The following SPPL2C variants were observed in gnomAD, a reference collection of about 807,000 sequenced individuals.
SPPL2C encodes the protein signal peptide peptidase-like 2C.
In SPPL2C, 33 loss-of-function variants were observed where a neutral mutation model predicts 38.8. That is an observed-to-expected ratio of 0.85 (90% CI 0.64 to 1.14). The LOEUF is 1.14. SPPL2C is among the 50% of genes most tolerant of loss of function. The probability of loss-of-function intolerance (pLI) is 0.00; values close to 1 mark genes in which losing one functional copy is unlikely to be tolerated. For missense variants in SPPL2C, 899 were observed against 904.4 expected (o/e 0.99, Z 0.08); for synonymous variants, 384 against 390.7 (o/e 0.98, Z 0.20).
rs1288475150 is a variant in SPPL2C, at chr17:45,845,352, C to G, written c.446C>G (p.Pro149Arg). ...CAGCCCCTGGCAGACCTCACCATCC[C>G]TGTGGCTATGCTCCACTATGCTGAC... Reference protein sequence around the residue: ...PRQPLADLTIPVAMLHYADML... With the variant: ...PRQPLADLTIRVAMLHYADML... Residue 149 changes from proline (P) to arginine (R), a missense_variant, in exon 1 of 1, where the codon CCT becomes CGT. By Grantham distance (103) the Pro-to-Arg change is moderately radical. Coordinates refer to ENST00000329196, the MANE Select transcript of SPPL2C (RefSeq NM_175882.3). 2.5e-6 allele frequency: 4 copies of G among 1,613,938 alleles called. No individual in the cohort carries two copies. In the African/African-American group the frequency reaches 5.3e-5, roughly 22 times the overall value.
At position 45,845,561 on chromosome 17, in the gene SPPL2C, C is replaced by G. The variant is rs200343669; in HGVS notation, c.655C>G (p.Arg219Gly). The stretch of plus-strand genomic sequence containing the variant: ...CAACCGGCTACAGCGGCGCCGTGCC[C>G]GAAGAGGAGGGGGGTCTGGTGGTCA... The part of the protein sequence containing the change: ...EANRLQRRRA[R>G]RGGGSGGHHQ... Residue 219 changes from arginine to glycine, a missense_variant, in exon 1 of 1, where the codon CGA (arginine) becomes GGA (glycine). Transcript: ENST00000329196. The G allele has an allele frequency of 6.2e-7, 1 of 1,602,580 alleles. No homozygotes were observed. The highest frequency in any genetic ancestry group is 1.3e-5 in the African/African-American group (1 of 74,776).
Position 45,846,213 on chromosome 17 carries a change from T to C in SPPL2C, c.1307T>C (p.Leu436Pro). ...CGGCTAAGAGTCTCCGCCTTGACCC[T>C]GTGCAGCCAGCCCTTCTCCATCCTT... is the stretch of plus-strand genomic sequence containing the variant. ...VPRLRVSALT[L>P]CSQPFSILGF... Residue 436 changes from leucine (L) to proline (P), a missense_variant, in exon 1 of 1, where the codon CTG becomes CCG. Physicochemically the swap from Leu to Pro is moderately conservative, Grantham distance 98 (BLOSUM62 -3). Transcript: ENST00000329196. 6.2e-7 allele frequency: 1 copy of C among 1,614,226 alleles called. No individual in the cohort carries two copies.
chr17:45,845,671 G>A lies in SPPL2C; in HGVS notation c.765G>A (p.Met255Ile). The A allele has an allele frequency of 6.2e-7, 1 of 1,613,816 alleles. No individual in the cohort carries two copies. ...EDIPVDFTPA[M>I]TGVVVTLSCS... is the part of the protein sequence containing the mutation. ...TCCCAGTGGACTTCACGCCGGCCAT[G>A]ACAGGCGTGGTGGTCACCCTGTCCT... is the stretch of plus-strand genomic sequence containing the variant. Residue 255 changes from methionine to isoleucine, a missense_variant, in exon 1 of 1, where the codon ATG (methionine) becomes ATA (isoleucine). Met to Ile is a conservative substitution (Grantham distance 10). Transcript: ENST00000329196.
Position 45,845,130 on chromosome 17 carries a change from C to T in SPPL2C, c.224C>T (p.Ser75Phe), listed in dbSNP as rs775782862. The stretch of plus-strand genomic sequence containing the variant: ...GCACCCTGGTGCCCGGGTGAGGATT[C>T]CCCCCACCAGGCCCAGCTCCGCTCC... ...TKAPWCPGED[S>F]PHQAQLRSPS... Residue 75 changes from serine (S) to phenylalanine (F), a missense_variant, in exon 1 of 1, where the codon TCC (serine) becomes TTC (phenylalanine). Ser to Phe is a radical substitution (Grantham distance 155). Transcript: ENST00000329196. 2 of 1,610,970 alleles carry T rather than the reference C, an allele frequency of 1.2e-6. No individual in the cohort carries two copies. Among genetic ancestry groups the T allele is most frequent in the African/African-American group, 1.3e-5 (1 of 74,982 alleles).
chr17:45,845,118 C>A lies in SPPL2C; in HGVS notation c.212C>A (p.Pro71Gln), dbSNP rs745530293. Residue 71 changes from proline to glutamine, a missense_variant, in exon 1 of 1, where the codon CCG becomes CAG. Pro to Gln is a moderately conservative substitution (Grantham distance 76). Coordinates refer to ENST00000329196, the MANE Select transcript of SPPL2C (RefSeq NM_175882.3). The stretch of plus-strand genomic sequence containing the variant: ...GATGGCACCAAGGCACCCTGGTGCC[C>A]GGGTGAGGATTCCCCCCACCAGGCC... ...LYDGTKAPWC[P>Q]GEDSPHQAQL... 1 of 1,611,504 alleles carries A rather than the reference C, an allele frequency of 6.2e-7. No individual in the cohort carries two copies. The highest frequency in any genetic ancestry group is 1.1e-5 in the South Asian group (1 of 91,034).
In SPPL2C at chr17:45,845,589, A is replaced by C. The variant is rs764687017; in HGVS notation, c.683A>C (p.His228Pro). 1.2e-6 allele frequency: 2 copies of C among 1,608,164 alleles called. No individual in the cohort carries two copies. Among genetic ancestry groups the C allele is most frequent in the Non-Finnish European group, 1.7e-6 (2 of 1,177,260 alleles). Residue 228 changes from histidine to proline, a missense_variant, in exon 1 of 1, where the codon CAT (histidine) becomes CCT (proline). Physicochemically the swap from His to Pro is moderately conservative, Grantham distance 77 (BLOSUM62 -2). Transcript: ENST00000329196. ...AGAGGAGGGGGGTCTGGTGGTCACC[A>C]TCAGCTGCAGGAAGCTGCAGCAGCT... ...ARRGGGSGGHHQLQEAAAAEG... is the reference protein window; with the variant it reads ...ARRGGGSGGHPQLQEAAAAEG...
chr17:45,844,885 G>T lies in SPPL2C; in HGVS notation c.-22G>T. The stretch of plus-strand genomic sequence containing the variant: ...GGGTATTGGGCTGCCGCCCGCAGAT[G>T]TTGCAGTAGGAACTGAAGAAGATGG... On this transcript the variant is annotated 5_prime_UTR_variant, in exon 1 of 1. It removes an upstream start codon present in the reference 5' UTR. Coordinates refer to ENST00000329196, the MANE Select transcript of SPPL2C (RefSeq NM_175882.3). The T allele has an allele frequency of 6.3e-7, 1 of 1,577,006 alleles. No homozygotes were observed. The highest frequency in any genetic ancestry group is 8.6e-7 in the Non-Finnish European group (1 of 1,156,426).
rs74815120 is a variant in SPPL2C, at chr17:45,846,708, C to T, written c.1802C>T (p.Ser601Phe). The T allele has an allele frequency of 1.1e-4, 176 of 1,614,192 alleles. No individual in the cohort carries two copies. In the African/African-American group the frequency reaches 2.1e-3, roughly 19 times the overall value. ...AATCCAGAGGACCGCAGTGATAGCTCCGAGGGCTGGAGTGACGCCCACTTG... is the reference window on the plus strand; with the variant it reads ...AATCCAGAGGACCGCAGTGATAGCTTCGAGGGCTGGAGTGACGCCCACTTG... The part of the protein sequence containing the change: ...ATNPEDRSDS[S>F]EGWSDAHLDP... Residue 601 changes from serine to phenylalanine, a missense_variant, in exon 1 of 1, where the codon TCC (serine) becomes TTC (phenylalanine). Coordinates refer to ENST00000329196, the MANE Select transcript of SPPL2C (RefSeq NM_175882.3).
In SPPL2C at chr17:45,844,902, A is replaced by G; in HGVS notation, c.-5A>G. The G allele has an allele frequency of 6.3e-7, 1 of 1,597,418 alleles. No homozygotes were observed. The highest frequency in any genetic ancestry group is 8.6e-7 in the Non-Finnish European group (1 of 1,168,984). On this transcript the variant is annotated 5_prime_UTR_variant, in exon 1 of 1. Transcript: ENST00000329196. ...CCGCAGATGTTGCAGTAGGAACTGA[A>G]GAAGATGGCGTGCCTGGGCTTCCTC...
In SPPL2C at chr17:45,845,517, G is replaced by A; in HGVS notation, c.611G>A (p.Trp204Ter). ...AVGTVAAGGY[W>*]AGLTEANRLQ... ...GGCACAGTGGCTGCAGGCGGCTACT[G>A]GGCCGGCCTGACCGAAGCCAACCGG... Residue 204 changes from tryptophan to a stop codon, truncating the protein, a stop_gained, in exon 1 of 1, where the codon TGG (tryptophan) becomes TAG (stop). Coordinates refer to ENST00000329196, the MANE Select transcript of SPPL2C (RefSeq NM_175882.3). LOFTEE classifies it high-confidence loss of function. 6.2e-7 allele frequency: 1 copy of A among 1,602,170 alleles called. No homozygotes were observed. The highest frequency in any genetic ancestry group is 8.5e-7 in the Non-Finnish European group (1 of 1,176,096).
rs374408210 is a variant in SPPL2C at position 45,845,448 on chromosome 17, C to A, written c.542C>A (p.Pro181His). The change falls in exon 1 of 1, where the codon CCC (proline) becomes CAC (histidine). Residue 181 changes from proline to histidine, a missense_variant. Physicochemically the swap from Pro to His is moderately conservative, Grantham distance 77. Coordinates refer to ENST00000329196, the MANE Select transcript of SPPL2C (RefSeq NM_175882.3). ...GTGGCCATGTACGCACCCCCAGAGCCCATCATCGACTACAACATGCTGGTC... is the reference window on the plus strand; with the variant it reads ...GTGGCCATGTACGCACCCCCAGAGCACATCATCGACTACAACATGCTGGTC... ...VRVAMYAPPE[P>H]IIDYNMLVIF... 98 of 1,611,258 alleles carry A rather than the reference C, an allele frequency of 6.1e-5. No individual in the cohort carries two copies. The Middle Eastern group carries it at 8.2e-4, about 14-fold the overall frequency.
Position 45,844,934 on chromosome 17 carries a change from G to T in SPPL2C, c.28G>T (p.Val10Leu). 3 of 1,609,686 alleles carry T rather than the reference G, an allele frequency of 1.9e-6. No homozygotes were observed. The highest frequency in any genetic ancestry group is 2.5e-6 in the Non-Finnish European group (3 of 1,176,732). The change falls in exon 1 of 1, where the codon GTG becomes TTG. Residue 10 changes from valine to leucine, a missense_variant. Transcript: ENST00000329196. ...GGCGTGCCTGGGCTTCCTCCTCCCC[G>T]TGGGCTTCCTCCTCCTCATCAGCAC... MACLGFLLPVGFLLLISTVA... is the reference protein window; with the variant it reads MACLGFLLPLGFLLLISTVA...
chr17:45,845,586 A>T lies in SPPL2C; in HGVS notation c.680A>T (p.His227Leu), dbSNP rs564319908. 75 of 1,607,198 alleles carry T rather than the reference A, an allele frequency of 4.7e-5. No homozygotes were observed. In the African/African-American group the frequency reaches 9.7e-4, roughly 21 times the overall value. The change falls in exon 1 of 1, where the codon CAC becomes CTC. Residue 227 changes from histidine (H) to leucine (L), a missense_variant. By Grantham distance (99) the His-to-Leu change is moderately conservative. Transcript: ENST00000329196. ...CGAAGAGGAGGGGGGTCTGGTGGTCACCATCAGCTGCAGGAAGCTGCAGCA... is the reference window on the plus strand; with the variant it reads ...CGAAGAGGAGGGGGGTCTGGTGGTCTCCATCAGCTGCAGGAAGCTGCAGCA... ...RARRGGGSGG[H>L]HQLQEAAAAE...
chr17:45,845,665 G>T lies in SPPL2C; in HGVS notation c.759G>T (p.Pro253=). The T allele has an allele frequency of 6.2e-7, 1 of 1,613,684 alleles. No individual in the cohort carries two copies. The highest frequency in any genetic ancestry group is 1.7e-5 in the Admixed American group (1 of 60,020). ...AGGACATCCCAGTGGACTTCACGCC[G>T]GCCATGACAGGCGTGGTGGTCACCC... The part of the protein sequence containing the change: ...DNEDIPVDFT[P]AMTGVVVTLS... The change falls in exon 1 of 1, where the codon CCG becomes CCT. Residue 253 remains proline (P), a synonymous_variant. Transcript: ENST00000329196.
At position 45,845,166 on chromosome 17, in the gene SPPL2C, G is replaced by C. The variant is rs371164977; in HGVS notation, c.260G>C (p.Arg87Pro). 11 of 1,612,384 alleles carry C rather than the reference G, an allele frequency of 6.8e-6. No individual in the cohort carries two copies. In the Admixed American group the frequency reaches 1.8e-4, roughly 27 times the overall value. The change falls in exon 1 of 1, where the codon CGG becomes CCG. Residue 87 changes from arginine (R) to proline (P), a missense_variant. Coordinates refer to ENST00000329196, the MANE Select transcript of SPPL2C (RefSeq NM_175882.3). ...HQAQLRSPSQ[R>P]PLRQTTAMVM... is the part of the protein sequence containing the mutation. Reference sequence around the variant, plus strand: ...GCCCAGCTCCGCTCCCCCAGCCAGCGGCCCCTCCGCCAGACCACTGCCATG... The same window carrying C: ...GCCCAGCTCCGCTCCCCCAGCCAGCCGCCCCTCCGCCAGACCACTGCCATG...
Position 45,846,906 on chromosome 17 carries a change from A to C in SPPL2C, c.2000A>C (p.His667Pro). 4 of 1,596,962 alleles carry C rather than the reference A, an allele frequency of 2.5e-6. No individual in the cohort carries two copies. The highest frequency in any genetic ancestry group is 3.4e-6 in the Non-Finnish European group (4 of 1,170,746). Reference sequence around the variant, plus strand: ...ACTGGCCTGCCCTGGGCGGGACTCCACAAGAGGAAGGGTTTGAAAGTAAGA... The same window carrying C: ...ACTGGCCTGCCCTGGGCGGGACTCCCCAAGAGGAAGGGTTTGAAAGTAAGA... ...HETGLPWAGL[H>P]KRKGLKVRKS... is the part of the protein sequence containing the mutation. Residue 667 changes from histidine (H) to proline (P), a missense_variant, in exon 1 of 1, where the codon CAC becomes CCC. His to Pro is a moderately conservative substitution (Grantham distance 77). Coordinates refer to ENST00000329196, the MANE Select transcript of SPPL2C (RefSeq NM_175882.3).
rs1261624559 is a variant in SPPL2C at position 45,846,158 on chromosome 17, G to A, written c.1252G>A (p.Glu418Lys). The A allele has an allele frequency of 1.9e-6, 3 of 1,614,198 alleles. No individual in the cohort carries two copies. The highest frequency in any genetic ancestry group is 1.3e-5 in the African/African-American group (1 of 75,050). ...ALGPAESSSH[E>K]RLPMVLKVPR... The stretch of plus-strand genomic sequence containing the variant: ...GGGCCCTGCAGAGTCTTCAAGCCAT[G>A]AGAGGCTGCCCATGGTACTCAAAGT... The change falls in exon 1 of 1, where the codon GAG becomes AAG. Residue 418 changes from glutamate to lysine, a missense_variant. By Grantham distance (56) the Glu-to-Lys change is moderately conservative (BLOSUM62 1). Coordinates refer to ENST00000329196, the MANE Select transcript of SPPL2C (RefSeq NM_175882.3).
In SPPL2C at chr17:45,846,172, G is replaced by A; in HGVS notation, c.1266G>A (p.Met422Ile). 6.2e-7 allele frequency: 1 copy of A among 1,614,204 alleles called. No individual in the cohort carries two copies. The highest frequency in any genetic ancestry group is 8.5e-7 in the Non-Finnish European group (1 of 1,180,040). The change falls in exon 1 of 1, where the codon ATG becomes ATA. Residue 422 changes from methionine to isoleucine, a missense_variant. Physicochemically the swap from Met to Ile is conservative, Grantham distance 10. Coordinates refer to ENST00000329196, the MANE Select transcript of SPPL2C (RefSeq NM_175882.3). ...CTTCAAGCCATGAGAGGCTGCCCAT[G>A]GTACTCAAAGTGCCCCGGCTAAGAG... is the stretch of plus-strand genomic sequence containing the variant. Reference protein sequence around the residue: ...AESSSHERLPMVLKVPRLRVS... With the variant: ...AESSSHERLPIVLKVPRLRVS...
Position 45,846,002 on chromosome 17 carries a change from C to A in SPPL2C, c.1096C>A (p.Arg366Ser). 1 of 1,613,684 alleles carries A rather than the reference C, an allele frequency of 6.2e-7. No individual in the cohort carries two copies. Among genetic ancestry groups the A allele is most frequent in the Non-Finnish European group, 8.5e-7 (1 of 1,180,022 alleles). The change falls in exon 1 of 1, where the codon CGT becomes AGT. Residue 366 changes from arginine to serine, a missense_variant. Arg to Ser is a moderately radical substitution (Grantham distance 110, BLOSUM62 -1). Transcript: ENST00000329196. Reference sequence around the variant, plus strand: ...TTCCTACTGCCTGTTCGTCCTGCACCGTGTGCGGCTGCCCACTCTCAAGAA... The same window carrying A: ...TTCCTACTGCCTGTTCGTCCTGCACAGTGTGCGGCTGCCCACTCTCAAGAA... Reference protein sequence around the residue: ...GISYCLFVLHRVRLPTLKNCS... With the variant: ...GISYCLFVLHSVRLPTLKNCS...
Sources: allele counts gnomAD v4.1 joint callset, GRCh38; gene constraint gnomAD v4.1.1; transcripts MANE v1.5; gene names NCBI Gene and HGNC (gene_info 2026-07-23, HGNC 2026-07-21).